GLIS3: variants seen among roughly 807,000 people sequenced by gnomAD.
GLIS3 encodes GLIS family zinc finger 3.
In GLIS3, 53 loss-of-function variants were observed where a neutral mutation model predicts 78.6. The ratio of observed to expected loss-of-function variants is 0.67; its 90% confidence interval spans 0.54 to 0.85. The LOEUF is 0.85. Among genes scored for constraint, GLIS3 ranks in the 40% least tolerant of loss-of-function variants. The pLI is 0.00. For missense variants in GLIS3, 1,703 were observed against 1,231.1 expected (o/e 1.38, Z -5.74); for synonymous variants, 684 against 509.9 (o/e 1.34, Z -4.60).
intron 4 of GLIS3, among the ~76,000 whole-genome samples, chr9:4,088,535 G>C (rs1269168538): frequency 6.6e-6 from 1 of 152,176 alleles, no homozygotes; most frequent in Non-Finnish European, 1.5e-5. Flanking sequence ...AACTTTGAAA[G>C]ATTACAAGTC....
chr9:3,966,786 A>G (rs1204566847), intron 4 of GLIS3, among the ~76,000 whole-genome samples: 1 of 151,856 alleles, frequency 6.6e-6, no homozygotes, highest in African/African-American at 2.4e-5. Context: ...AAAAAAAACA[A>G]AAAACAAAAA....
chr9:4,079,888 A>T (rs1481193761), intron 4 of GLIS3, among the ~76,000 whole-genome samples: 2 of 152,028 alleles, frequency 1.3e-5, no homozygotes, highest in East Asian at 3.8e-4. Context: ...CTCAAAATTT[A>T]AAAAAAAGGG....
chr9:4,269,713 T>G (rs992695585), intron 2 of GLIS3, among the ~76,000 whole-genome samples: 1 of 152,232 alleles, frequency 6.6e-6, no homozygotes, highest in Non-Finnish European at 1.5e-5. Flanking sequence ...GAAATTATAT[T>G]GATTTTTTAA....
intron 2 of GLIS3, among the ~76,000 whole-genome samples, chr9:4,242,265 T>C (rs1019629475): frequency 3.3e-5 from 5 of 152,106 alleles, no homozygotes; most frequent in Admixed American, 3.3e-4. Context: ...GTCTTTTATC[T>C]TCTAATTCTA....
the GLIS3 span, among the ~76,000 whole-genome samples, chr9:4,440,837 T>C: frequency 2.0e-5 from 3 of 152,190 alleles, no homozygotes; most frequent in Admixed American, 6.5e-5. Context: ...ATTTCTTTCA[T>C]CAGTTTTTTT....
intron 4 of GLIS3, among the ~76,000 whole-genome samples, chr9:4,088,758 CT>C (rs1241234548): frequency 1.3e-5 from 2 of 152,214 alleles, no homozygotes; most frequent in East Asian, 3.9e-4. Context: ...GTGCCTTTTA[CT>C]ATGACGGAAA....
intron 4 of GLIS3, among the ~76,000 whole-genome samples, chr9:3,963,221 C>G (rs937133368): frequency 6.6e-6 from 1 of 152,188 alleles, no homozygotes; most frequent in Non-Finnish European, 1.5e-5. Context: ...TAAGACTCTT[C>G]CCAAACCTTT....
intron 2 of GLIS3, among the ~76,000 whole-genome samples, chr9:4,265,543 G>A (rs530641109): frequency 2.6e-5 from 4 of 152,226 alleles, no homozygotes; most frequent in African/African-American, 9.6e-5. Flanking sequence ...AAAGTGGGAT[G>A]ATCAAGCTAG....
chr9:4,173,029 CTA>C (rs1564149116), intron 2 of GLIS3, among the ~76,000 whole-genome samples: 1 of 152,158 alleles, frequency 6.6e-6, no homozygotes, highest in East Asian at 1.9e-4. Flanking sequence ...TTTTTTAACA[CTA>C]TGTGGACTTA....
At chr9:4,473,964 T>G in the GLIS3 span, among the ~76,000 whole-genome samples, 1 of 152,148 alleles carries the variant, frequency 6.6e-6, no homozygotes, top group Non-Finnish European at 1.5e-5. Flanking sequence ...ACCAGCTTCA[T>G]GTATTAGAAG....
At chr9:4,133,928 G>T (rs1833192873) in intron 2 of GLIS3, among the ~76,000 whole-genome samples, 1 of 150,836 alleles carries the variant, frequency 6.6e-6, no homozygotes, top group African/African-American at 2.4e-5. Context: ...GGCCATTCTA[G>T]TTCCTCATAT....
intron 9 of GLIS3, among the ~76,000 whole-genome samples, chr9:3,846,925 T>C (rs1166580208): frequency 6.6e-6 from 1 of 152,176 alleles, no homozygotes; most frequent in Non-Finnish European, 1.5e-5. Flanking sequence ...GGCTCATGGC[T>C]GTAATCCCAG....
At chr9:4,145,441 C>A (rs1361344387) in intron 2 of GLIS3, among the ~76,000 whole-genome samples, 1 of 140,266 alleles carries the variant, frequency 7.1e-6, no homozygotes, top group Non-Finnish European at 1.6e-5. Flanking sequence ...TTGCACACAA[C>A]TGCTGTGATA....
intron 4 of GLIS3, among the ~76,000 whole-genome samples, chr9:3,949,518 C>A (rs1588293761): frequency 6.6e-6 from 1 of 152,164 alleles, no homozygotes; most frequent in South Asian, 2.1e-4. Context: ...TATCTTACAG[C>A]GAGATCCCTT....
chr9:4,332,697 T>C lies in GLIS3; in HGVS notation n.264+14384A>G, dbSNP rs932048219. On this transcript the variant is annotated intron_variant and non_coding_transcript_variant, in intron 2 of 4. Coordinates refer to the GLIS3 transcript ENST00000471664. ...GATGACATAGAAAGTTCTCTAATCT[T>C]TGAGCTATTGTAGCTAATAGGCGGG... Among the ~76,000 whole-genome samples the C allele has an allele frequency of 2.6e-5, 4 of 152,250 alleles. No individual in the cohort carries two copies. The South Asian group carries it at 6.2e-4, about 24-fold the overall frequency.
chr9:4,387,599 G>C, the GLIS3 span, among the ~76,000 whole-genome samples: 2 of 152,122 alleles, frequency 1.3e-5, no homozygotes, highest in Non-Finnish European at 2.9e-5. Flanking sequence ...CAAGAGTTTG[G>C]AATATGCTCC....
chr9:4,185,788 C>T (rs113138679), intron 2 of GLIS3, among the ~76,000 whole-genome samples: 1,946 of 152,224 alleles, frequency 0.013, 41 homozygotes, highest in African/African-American at 0.044. Context: ...ATCGCCCTCC[C>T]TCACTCTTCT....
chr9:4,080,613 T>C (rs184644675), intron 4 of GLIS3, among the ~76,000 whole-genome samples: 1 of 152,308 alleles, frequency 6.6e-6, no homozygotes, highest in Non-Finnish European at 1.5e-5. Context: ...TGATTAAATA[T>C]TACATTAAAA....
the GLIS3 span, among the ~76,000 whole-genome samples, chr9:4,469,070 C>G: frequency 6.6e-6 from 1 of 152,160 alleles, no homozygotes; most frequent in African/African-American, 2.4e-5. Context: ...GGGATCAATT[C>G]AACAAGAAGA....
Sources: allele counts gnomAD v4.1 joint callset (sites outside exome capture counted in the v4.1 genomes callset), GRCh38; gene constraint gnomAD v4.1.1; transcripts MANE v1.5; gene names NCBI Gene and HGNC (gene_info 2026-07-23, HGNC 2026-07-21).